The following UGT1A4 variants were observed in gnomAD, a reference collection of about 807,000 sequenced individuals.
UGT1A4 encodes the protein UDP-glucuronosyltransferase 1A4.
UGT1A4 carries 32 observed loss-of-function variants against 41.1 expected under a neutral mutation model. That is an observed-to-expected ratio of 0.78 (90% CI 0.59 to 1.05). The LOEUF (loss-of-function observed/expected upper bound fraction) is 1.05, where lower values mean the gene tolerates loss of function less well. Ranked by LOEUF, UGT1A4 falls within the 50% of genes least tolerant of loss-of-function variation. UGT1A4 has a pLI of 0.00. For missense variants in UGT1A4, 748 were observed against 677.4 expected, an observed-to-expected ratio of 1.10 and a Z score of -1.16; for synonymous variants, 283 against 265.1, an observed-to-expected ratio of 1.07 and a Z score of -0.66.
chr2:233,750,287 A>AT (rs1158037876), intron 1 of UGT1A4, among the ~76,000 whole-genome samples: 1 of 151,952 alleles, frequency 6.6e-6, no homozygotes, highest in Non-Finnish European at 1.5e-5. Context: ...GACTGGTGGC[A>AT]TTTTGCCCCT....
chr2:233,752,764 A>C (rs1695055831), intron 1 of UGT1A4, among the ~76,000 whole-genome samples: 1 of 152,262 alleles, frequency 6.6e-6, no homozygotes, highest in Non-Finnish European at 1.5e-5. Flanking sequence ...CAAACAAACA[A>C]ACAAACAATA....
Position 233,731,690 on chromosome 2 carries a change from G to C in UGT1A4, c.867+12003G>C, listed in dbSNP as rs183220610. ...TTCTTAATCCAGTCTATCATTGATG[G>C]ACATTTGGATTGGTTCCAGGTCTTT... On this transcript the variant is annotated intron_variant, in intron 1 of 4. Coordinates refer to ENST00000373409, the MANE Select transcript of UGT1A4 (RefSeq NM_007120.3). 7.2e-5 allele frequency among the ~76,000 whole-genome samples: 11 copies of C among 152,322 alleles called. No individual in the cohort carries two copies. The East Asian group carries it at 2.1e-3, about 29-fold the overall frequency.
intron 1 of UGT1A4, among the ~76,000 whole-genome samples, chr2:233,734,191 TC>T (rs2078496929): frequency 6.6e-6 from 1 of 152,190 alleles, no homozygotes; most frequent in South Asian, 2.1e-4. Context: ...AATTATTGCC[TC>T]AATTTCAGAG....
At chr2:233,756,421 TG>T (rs1436391565) in intron 1 of UGT1A4, 1 of 152,148 alleles carries the variant, frequency 6.6e-6, no homozygotes, top group African/African-American at 2.4e-5. Flanking sequence ...TTATTTGTAC[TG>T]TTTTTTTTTC....
chr2:233,772,522 G>A lies in UGT1A4; in HGVS notation c.1568G>A (p.Gly523Glu). The A allele has an allele frequency of 6.2e-7, 1 of 1,614,168 alleles. No homozygotes were observed. Among genetic ancestry groups the A allele is most frequent in the Non-Finnish European group, 8.5e-7 (1 of 1,180,032 alleles). ...YGYRKCLGKK[G>E]RVKKAHKSKT... ...TACCGGAAATGCTTGGGGAAAAAAG[G>A]GCGAGTTAAGAAAGCCCACAAATCC... The change falls in exon 5 of 5, where the codon GGG becomes GAG. Residue 523 changes from glycine to glutamate, a missense_variant. Gly to Glu is a moderately conservative substitution (Grantham distance 98). Coordinates refer to ENST00000373409, the MANE Select transcript of UGT1A4 (RefSeq NM_007120.3).
rs77053267 is a variant in UGT1A4, at chr2:233,743,791, C to T, written c.868-23243C>T. 1,068 of 1,367,342 alleles carry T rather than the reference C, an allele frequency of 7.8e-4. 34 individuals are homozygous for T. In the African/African-American group the frequency reaches 0.014, roughly 18 times the overall value. The allele number at this position is 1,367,342 out of a possible 1,614,324, so 84.7% of individuals were successfully genotyped here. On this transcript the variant is annotated intron_variant, in intron 1 of 4. Coordinates refer to ENST00000373409, the MANE Select transcript of UGT1A4 (RefSeq NM_007120.3). The stretch of plus-strand genomic sequence containing the variant: ...CGGCCACCTGCTTGAATCTCCTCTC[C>T]GCTTCCTCCTTGTTCTCAGGGTTTT...
At chr2:233,757,845 T>C (rs1338801014) in intron 1 of UGT1A4, among the ~76,000 whole-genome samples, 1 of 151,974 alleles carries the variant, frequency 6.6e-6, no homozygotes, top group Non-Finnish European at 1.5e-5. Context: ...TACTAACTTA[T>C]GTCTTCAGCT....
intron 1 of UGT1A4, among the ~76,000 whole-genome samples, chr2:233,730,665 G>A (rs752963850): frequency 1.3e-5 from 2 of 152,252 alleles, no homozygotes; most frequent in African/African-American, 4.8e-5. Flanking sequence ...AGTTCGGAAG[G>A]CAAAGTAATG....
intron 4 of UGT1A4, chr2:233,771,349 A>C (rs1700292689): frequency 6.6e-6 from 1 of 151,972 alleles, no homozygotes; most frequent in Non-Finnish European, 1.5e-5. Context: ...TGTAGCACCA[A>C]GGGTTGAAGC....
intron 1 of UGT1A4, among the ~76,000 whole-genome samples, chr2:233,742,528 A>G (rs896768700): frequency 1.3e-5 from 2 of 151,872 alleles, no homozygotes; most frequent in Admixed American, 6.5e-5. Flanking sequence ...AGTGCTGCAG[A>G]GATTTTGTTT....
At chr2:233,723,181 A>C (rs2077065915) in intron 1 of UGT1A4, among the ~76,000 whole-genome samples, 2 of 132,766 alleles carry the variant, frequency 1.5e-5, no homozygotes, top group African/African-American at 6.0e-5. Flanking sequence ...AAACCATAGA[A>C]GGGTCCATGT....
At chr2:233,755,940 ATC>A (rs35754645) in intron 1 of UGT1A4, 54,950 of 151,954 alleles carry the variant, frequency 0.36, 10,325 homozygotes, top group African/African-American at 0.45. Flanking sequence ...CAGTTTTTGC[ATC>A]TCTCTCTTTA....
chr2:233,768,466 T>G (rs1161223448), intron 4 of UGT1A4, 27 bp downstream of exon 4: 2 of 1,605,760 alleles, frequency 1.2e-6, no homozygotes, highest in South Asian at 2.2e-5. Flanking sequence ...AGAAGAATAC[T>G]TTGGTCATGG....
At chr2:233,756,376 A>G (rs1276716775) in intron 1 of UGT1A4, 1 of 152,194 alleles carries the variant, frequency 6.6e-6, no homozygotes, top group Non-Finnish European at 1.5e-5. Flanking sequence ...ATGCTATGTA[A>G]ATAGTTGTTT....
At chr2:233,747,242 T>C (rs985835805) in intron 1 of UGT1A4, 31 of 1,603,322 alleles carry the variant, frequency 1.9e-5, no homozygotes, top group African/African-American at 5.4e-5. Flanking sequence ...GTTCCCCTGC[T>C]GTGGCTGGCC....
rs1700519300 is a variant in UGT1A4 at position 233,772,417 on chromosome 2, A to G, written c.1463A>G (p.His488Arg). Residue 488 changes from histidine to arginine, a missense_variant, in exon 5 of 5, where the codon CAT (histidine) becomes CGT (arginine). Coordinates refer to ENST00000373409, the MANE Select transcript of UGT1A4 (RefSeq NM_007120.3). ...CACGACCTCACCTGGTACCAGTACCATTCCTTGGACGTGATTGGTTTCCTC... is the reference window on the plus strand; with the variant it reads ...CACGACCTCACCTGGTACCAGTACCGTTCCTTGGACGTGATTGGTTTCCTC... ...AAHDLTWYQYHSLDVIGFLLA... is the reference protein window; with the variant it reads ...AAHDLTWYQYRSLDVIGFLLA... 1.2e-6 allele frequency: 2 copies of G among 1,614,214 alleles called. No individual in the cohort carries two copies. The highest frequency in any genetic ancestry group is 2.7e-5 in the African/African-American group (2 of 75,044).
chr2:233,759,981 A>G (rs1234447648), intron 1 of UGT1A4, among the ~76,000 whole-genome samples: 1 of 152,088 alleles, frequency 6.6e-6, no homozygotes, highest in African/African-American at 2.4e-5. Context: ...CTCTGGTAAC[A>G]CTTGTTGGTC....
intron 1 of UGT1A4, among the ~76,000 whole-genome samples, chr2:233,757,478 C>G (rs1489873843): frequency 4.1e-5 from 6 of 146,266 alleles, no homozygotes; most frequent in Non-Finnish European, 1.5e-5. Flanking sequence ...TCTCCAAAAC[C>G]ATGGACTGGC....
At chr2:233,727,469 A>C (rs1381010401) in intron 1 of UGT1A4, among the ~76,000 whole-genome samples, 7 of 152,276 alleles carry the variant, frequency 4.6e-5, no homozygotes, top group Non-Finnish European at 8.8e-5. Flanking sequence ...TGTCTAAATA[A>C]AACACTACTA....
Sources: allele counts gnomAD v4.1 joint callset (sites outside exome capture counted in the v4.1 genomes callset), GRCh38; gene constraint gnomAD v4.1.1; transcripts MANE v1.5; gene names NCBI Gene and HGNC (gene_info 2026-07-23, HGNC 2026-07-21).